The following ACAN variants were observed in gnomAD, a reference collection of about 807,000 sequenced individuals.
The protein encoded by ACAN is aggrecan core protein.
In ACAN, 47 loss-of-function variants were observed where a neutral mutation model predicts 169.1. The observed-to-expected ratio is 0.28, with a 90% confidence interval of 0.22 to 0.35. ACAN has a LOEUF of 0.35. Among genes scored for constraint, ACAN ranks in the 10% least tolerant of loss-of-function variants. The pLI is 1.00. For synonymous variants in ACAN, 1,115 were observed against 1,112.2 expected (o/e 1.00, Z -0.05); for missense variants, 2,716 against 2,759.9 (o/e 0.98, Z 0.36).
intron 1 of ACAN, among the ~76,000 whole-genome samples, chr15:88,831,459 G>GC (rs1410472976): frequency 1.3e-5 from 2 of 152,294 alleles, no homozygotes; most frequent in South Asian, 2.1e-4. Context: ...TCAGCCCTCC[G>GC]CCCCCCAAGG....
intron 1 of ACAN, among the ~76,000 whole-genome samples, chr15:88,823,784 A>G (rs4932431): frequency 0.55 from 83,608 of 151,966 alleles, 23,818 homozygotes; most frequent in East Asian, 0.93. Context: ...TTTTGTCCCT[A>G]GATGTCTCTG....
chr15:88,807,344 G>T lies in ACAN; in HGVS notation c.-8+3535G>T, dbSNP rs975897381. 6.6e-6 allele frequency among the ~76,000 whole-genome samples: 1 copy of T among 152,242 alleles called. No homozygotes were observed. Among genetic ancestry groups the T allele is most frequent in the African/African-American group, 2.4e-5 (1 of 41,456 alleles). On this transcript the variant is annotated intron_variant, in intron 1 of 18. Coordinates refer to ENST00000560601, the MANE Select transcript of ACAN (RefSeq NM_001369268.1). This position sits in a 1 kb window ranked among gnomAD's most constrained non-coding sequence, Gnocchi z 4.0. ...TTGGGAACAGGAGCCTTCCTCTCCT[G>T]CTGTCAACGGCCTGGCCTCGTGGCC...
Position 88,847,389 on chromosome 15 carries a change from G to T in ACAN, c.1576G>T (p.Ala526Ser). ...AYEAGYEQCDAGWLRDQTVRY... is the reference protein window; with the variant it reads ...AYEAGYEQCDSGWLRDQTVRY... ...CGAAGCAGGCTATGAGCAGTGTGACGCCGGCTGGCTGCGGGACCAGACCGT... is the reference window on the plus strand; with the variant it reads ...CGAAGCAGGCTATGAGCAGTGTGACTCCGGCTGGCTGCGGGACCAGACCGT... The change falls in exon 8 of 19, where the codon GCC becomes TCC. Residue 526 changes from alanine to serine, a missense_variant. By Grantham distance (99) the Ala-to-Ser change is moderately conservative (BLOSUM62 1). This residue lies in a region of ACAN where 1,283 missense variants were observed against 1,281.5 expected (regional missense o/e 1.00). Coordinates refer to ENST00000560601, the MANE Select transcript of ACAN (RefSeq NM_001369268.1). The T allele has an allele frequency of 6.3e-7, 1 of 1,584,358 alleles. No homozygotes were observed. Among genetic ancestry groups the T allele is most frequent in the South Asian group, 1.1e-5 (1 of 87,168 alleles).
rs1437730972 is a variant in ACAN at position 88,841,851 on chromosome 15, C to T, written c.741C>T (p.Phe247=). 5.0e-6 allele frequency: 8 copies of T among 1,613,320 alleles called. No homozygotes were observed. The highest frequency in any genetic ancestry group is 3.3e-4 in the Middle Eastern group (2 of 6,058). ...ACGAGACCTATGATGTGTACTGCTT[C>T]GCCGAGGAGATGGAGGGTGAGCTGC... ...DTNETYDVYC[F]AEEMEGEVFY... is the part of the protein sequence containing the mutation. The change falls in exon 5 of 19, where the codon TTC becomes TTT. Residue 247 remains phenylalanine, a synonymous_variant. Coordinates refer to ENST00000560601, the MANE Select transcript of ACAN (RefSeq NM_001369268.1).
At chr15:88,862,296 C>G (rs1353739313) in intron 13 of ACAN, among the ~76,000 whole-genome samples, 1 of 152,176 alleles carries the variant, frequency 6.6e-6, no homozygotes, top group African/African-American at 2.4e-5. Context: ...GATCTACCCC[C>G]ACAGATTGTG....
intron 1 of ACAN, among the ~76,000 whole-genome samples, chr15:88,819,437 A>G (rs1404225805): frequency 6.6e-6 from 1 of 152,056 alleles, no homozygotes; most frequent in African/African-American, 2.4e-5. Context: ...GCACTGAGCA[A>G]ATGTCTGTTA....
At chr15:88,833,504 C>T (rs1896417174) in intron 1 of ACAN, among the ~76,000 whole-genome samples, 1 of 152,100 alleles carries the variant, frequency 6.6e-6, no homozygotes, top group African/African-American at 2.4e-5. Flanking sequence ...CGTGCTGGGA[C>T]TCAGGGCTGC....
At chr15:88,836,518 C>T (rs960271155) in intron 2 of ACAN, among the ~76,000 whole-genome samples, 15 of 152,208 alleles carry the variant, frequency 9.9e-5, no homozygotes, top group African/African-American at 2.9e-4. Flanking sequence ...CCTCAAGCCC[C>T]GACAGCTGGC....
chr15:88,851,714 A>T lies in ACAN; in HGVS notation c.2027-80A>T. The T allele has an allele frequency of 6.8e-7, 1 of 1,476,756 alleles. No individual in the cohort carries two copies. 91.5% of individuals were successfully genotyped at this position (1,476,756 alleles called of 1,614,324 possible). ...GGGCCTGGCCACCTCAGAGTCCCCT[A>T]GCTCCCCTCAAGAAGGGCCAGCCAA... On this transcript the variant is annotated intron_variant, in intron 10 of 18. Coordinates refer to ENST00000560601, the MANE Select transcript of ACAN (RefSeq NM_001369268.1). The surrounding 1 kb of genome is among the most constrained non-coding windows in gnomAD (Gnocchi z 4.3).
chr15:88,847,106 G>C, intron 7 of ACAN, 137 bp from the exon 8 acceptor site: 2 of 997,778 alleles, frequency 2.0e-6, no homozygotes, highest in East Asian at 2.8e-5. Context: ...TGGCTACCAA[G>C]TGGGATTTCA....
At chr15:88,848,407 G>A (rs1438091073) in intron 9 of ACAN, among the ~76,000 whole-genome samples, 2 of 151,852 alleles carry the variant, frequency 1.3e-5, no homozygotes, top group East Asian at 3.8e-4. Flanking sequence ...AAGTCCTGCA[G>A]TAAAAACAAA....
At position 88,814,834 on chromosome 15, in the gene ACAN, T is replaced by C. The variant is rs574480592; in HGVS notation, c.-8+11025T>C. Among the ~76,000 whole-genome samples, 1 of 152,294 alleles carries C rather than the reference T, an allele frequency of 6.6e-6. No homozygotes were observed. The highest frequency in any genetic ancestry group is 2.4e-5 in the African/African-American group (1 of 41,572). On this transcript the variant is annotated intron_variant, in intron 1 of 18. Transcript: ENST00000560601. This position sits in a 1 kb window ranked among gnomAD's most constrained non-coding sequence, Gnocchi z 4.0. ...AAGCTTGTGAGGCAGGAGGTGCTGG[T>C]GCAGGGCTGGGGGCTGCCTCTGGCC...
intron 9 of ACAN, 45 bp downstream of exon 9, chr15:88,848,083 G>C: frequency 3.1e-6 from 5 of 1,602,780 alleles, no homozygotes; most frequent in African/African-American, 1.3e-5. Context: ...TGGGCAGGGG[G>C]TGGGCAGGGA....
Position 88,871,582 on chromosome 15 carries a change from G to C in ACAN, c.7219+42G>C, listed in dbSNP as rs371067975. 3 of 1,573,374 alleles carry C rather than the reference G, an allele frequency of 1.9e-6. No homozygotes were observed. The highest frequency in any genetic ancestry group is 2.6e-6 in the Non-Finnish European group (3 of 1,160,264). ...CTCTGGAGCCTGAGAGGAGAGTGGC[G>C]GTGTAGGCAAAGGGCCTCACCTTTC... is the stretch of plus-strand genomic sequence containing the variant. On this transcript the variant is annotated intron_variant, in intron 15 of 18. Coordinates refer to ENST00000560601, the MANE Select transcript of ACAN (RefSeq NM_001369268.1). This position sits in a 1 kb window ranked among gnomAD's most constrained non-coding sequence, Gnocchi z 7.8.
intron 9 of ACAN, among the ~76,000 whole-genome samples, chr15:88,848,701 C>T (rs1017712999): frequency 6.6e-6 from 1 of 152,142 alleles, no homozygotes; most frequent in South Asian, 2.1e-4. Flanking sequence ...TTCCACTGAA[C>T]GCAATTTTGG....
intron 1 of ACAN, among the ~76,000 whole-genome samples, chr15:88,830,919 G>T (rs1486591946): frequency 6.6e-6 from 1 of 152,180 alleles, no homozygotes; most frequent in African/African-American, 2.4e-5. Context: ...GCGTTTGTCA[G>T]CCCCATTAGA....
At chr15:88,867,384 G>A (rs1009773083) in intron 13 of ACAN, among the ~76,000 whole-genome samples, 1 of 152,166 alleles carries the variant, frequency 6.6e-6, no homozygotes, top group Admixed American at 6.5e-5. Context: ...GCTGTTGTGC[G>A]ACCACTTGCT....
At chr15:88,847,024 C>T (rs1596137804) in intron 7 of ACAN, among the ~76,000 whole-genome samples, 1 of 152,336 alleles carries the variant, frequency 6.6e-6, no homozygotes, top group African/African-American at 2.4e-5. Context: ...GGCCTTGTTC[C>T]GTAATGGCCT....
Position 88,843,306 on chromosome 15 carries a change from AGGGGGAGG to A in ACAN, c.758-44_758-37del. 7.4e-7 allele frequency: 1 copy of A among 1,343,938 alleles called. No homozygotes were observed. The highest frequency in any genetic ancestry group is 9.6e-7 in the Non-Finnish European group (1 of 1,046,914). The allele number at this position is 1,343,938 out of a possible 1,614,324, so 83.3% of individuals were successfully genotyped here. A position where few individuals can be genotyped will look rare whatever the true frequency, so the allele number is the denominator to read the frequency against. On this transcript the variant is annotated intron_variant, in intron 5 of 18. Coordinates refer to ENST00000560601, the MANE Select transcript of ACAN (RefSeq NM_001369268.1). The surrounding 1 kb of genome is among the most constrained non-coding windows in gnomAD (Gnocchi z 4.0). ...GTGGATCTCTCTGGGGATGCAGAGC[AGGGGGAGG>A]GGGGAGAAGACCCTTACCCAGCTGG...
Sources: gnomAD v4.1 joint callset for allele counts (sites outside exome capture counted in the v4.1 genomes callset) on GRCh38, gnomAD v4.1.1 for gene constraint, gnomAD v4.1.1 regional missense constraint, Gnocchi (gnomAD v3.1) non-coding constraint, MANE v1.5 for transcripts, NCBI Gene and HGNC (gene_info 2026-07-23, HGNC 2026-07-21) for gene names.